KRIT1: variants seen among roughly 807,000 people sequenced by gnomAD.
KRIT1 encodes the protein krev interaction trapped protein 1.
Under a neutral mutation model 95.8 loss-of-function variants are expected in KRIT1, and 45 were observed. The ratio of observed to expected loss-of-function variants is 0.47; its 90% CI spans 0.37 to 0.60. KRIT1 has a LOEUF of 0.60. KRIT1 is among the 20% of genes least tolerant of loss of function. The pLI is 0.00. For synonymous variants in KRIT1, 282 were observed against 278.8 expected (o/e 1.01, Z -0.11); for missense variants, 788 against 877.5 (o/e 0.90, Z 1.29).
chr7:92,238,276 A>G (rs1020001056), intron 5 of KRIT1, among the ~76,000 whole-genome samples: 2 of 152,190 alleles, frequency 1.3e-5, no homozygotes, highest in African/African-American at 4.8e-5. Flanking sequence ...ATTGGCAGTA[A>G]GTTATTAATA....
At chr7:92,209,329 T>C (rs1178291249) in intron 17 of KRIT1, among the ~76,000 whole-genome samples, 3 of 152,162 alleles carry the variant, frequency 2.0e-5, no homozygotes, top group Admixed American at 6.5e-5. Flanking sequence ...TTAATCAACA[T>C]AGTACTGGAA....
At chr7:92,216,093 G>A (rs1425608800) in intron 14 of KRIT1, among the ~76,000 whole-genome samples, 1 of 151,754 alleles carries the variant, frequency 6.6e-6, no homozygotes, top group Admixed American at 6.6e-5. Flanking sequence ...GCTAGGCATG[G>A]TGGCAGGCGC....
At chr7:92,245,997 G>A (rs1800928507), upstream of KRIT1, 1 of 237,624 alleles carries the variant, frequency 4.2e-6, no homozygotes, top group Non-Finnish European at 8.3e-6. Context: ...GGCTGCTGCC[G>A]TTCCTGCTCC....
intron 14 of KRIT1, among the ~76,000 whole-genome samples, chr7:92,215,560 C>T (rs763952529): frequency 1.3e-5 from 2 of 152,084 alleles, no homozygotes; most frequent in East Asian, 3.9e-4. Context: ...GCCTCGACCT[C>T]GTGGGCTCAA....
At chr7:92,206,802 GAT>G (rs1400232521) in intron 17 of KRIT1, 3 of 151,688 alleles carry the variant, frequency 2.0e-5, no homozygotes, top group Non-Finnish European at 4.4e-5. Context: ...AGACATATAA[GAT>G]AACAAAAGTA....
intron 14 of KRIT1, among the ~76,000 whole-genome samples, chr7:92,219,229 T>C (rs1480513855): frequency 6.6e-6 from 1 of 152,202 alleles, no homozygotes; most frequent in African/African-American, 2.4e-5. Context: ...CTAGAACTCC[T>C]GTCCTCAAGT....
At chr7:92,212,788 T>C (rs1793149351) in intron 17 of KRIT1, among the ~76,000 whole-genome samples, 1 of 152,210 alleles carries the variant, frequency 6.6e-6, no homozygotes, top group South Asian at 2.1e-4. Context: ...TTATTCCTAG[T>C]TACCTGGTTC....
intron 14 of KRIT1, among the ~76,000 whole-genome samples, chr7:92,217,513 A>T (rs1285372543): frequency 6.6e-6 from 1 of 152,180 alleles, no homozygotes; most frequent in Non-Finnish European, 1.5e-5. Context: ...ACTTGATATA[A>T]GTAGAATTAA....
chr7:92,204,446 C>T (rs981971944), intron 17 of KRIT1, among the ~76,000 whole-genome samples: 2 of 151,798 alleles, frequency 1.3e-5, no homozygotes, highest in African/African-American at 2.4e-5. Context: ...ATTTATAGTG[C>T]ACTTTATTTC....
intron 7 of KRIT1, 22 bp from the exon 8 acceptor site, chr7:92,235,668 T>C (rs746899989): frequency 1.2e-6 from 2 of 1,612,428 alleles, no homozygotes; most frequent in Admixed American, 1.7e-5. Context: ...AAAAAACAGG[T>C]AGAAGTAGCC....
Position 92,200,706 on chromosome 7 carries a change from G to T in KRIT1, c.*30C>A. On this transcript the variant is annotated 3_prime_UTR_variant, in exon 19 of 19. Coordinates refer to ENST00000394505, the MANE Select transcript of KRIT1 (RefSeq NM_194454.3). ...GAAAAAAAACTCTGCATTACAAAAT[G>T]TGGTGGCTTGAGTAACAGTTACTTC... 7.1e-7 allele frequency: 1 copy of T among 1,409,606 alleles called. No homozygotes were observed. The highest frequency in any genetic ancestry group is 1.0e-6 in the Non-Finnish European group (1 of 993,256). 87.3% of individuals were successfully genotyped at this position (1,409,606 alleles called of 1,614,324 possible).
rs946205468 is a variant in KRIT1 at position 92,206,572 on chromosome 7, C to T, written c.2026-5149G>A. On this transcript the variant is annotated intron_variant, in intron 17 of 18. Coordinates refer to ENST00000394505, the MANE Select transcript of KRIT1 (RefSeq NM_194454.3). ...CCAACCAACACTATAGCTACATCTACAGGAAAAAGTCTTTCCCTACAAAAG... is the reference window on the plus strand; with the variant it reads ...CCAACCAACACTATAGCTACATCTATAGGAAAAAGTCTTTCCCTACAAAAG... 18 of 151,756 alleles carry T rather than the reference C, an allele frequency of 1.2e-4. 1 individual carries two copies. The highest frequency in any genetic ancestry group is 3.9e-4 in the African/African-American group (16 of 41,428). The allele number at this position is 151,756 out of a possible 1,614,324, so 9.4% of individuals were successfully genotyped here. A position where few individuals can be genotyped will look rare whatever the true frequency, so the allele number is the denominator to read the frequency against.
At chr7:92,224,293 TCAAA>T (rs1195756137) in intron 12 of KRIT1, among the ~76,000 whole-genome samples, 3 of 152,176 alleles carry the variant, frequency 2.0e-5, no homozygotes, top group Non-Finnish European at 4.4e-5. Context: ...TCTTTTTATT[TCAAA>T]CAGTTTTTAA....
chr7:92,235,266 C>G, intron 8 of KRIT1, 137 bp downstream of exon 8: 1 of 859,932 alleles, frequency 1.2e-6, no homozygotes. Context: ...TCCCAAAGTG[C>G]TGGGATTACA....
chr7:92,226,851 A>G (rs1449030983), intron 10 of KRIT1, among the ~76,000 whole-genome samples, 169 bp from the exon 11 acceptor site: 3 of 152,226 alleles, frequency 2.0e-5, no homozygotes, highest in African/African-American at 4.8e-5. Flanking sequence ...AATGTTTTCA[A>G]TGATTAGGGG....
intron 14 of KRIT1, among the ~76,000 whole-genome samples, chr7:92,221,067 G>A (rs1477226542): frequency 2.0e-5 from 3 of 152,036 alleles, no homozygotes; most frequent in Non-Finnish European, 4.4e-5. Context: ...TACTTGTCTA[G>A]ACAGACTTCT....
rs1413747398 is a variant in KRIT1, at chr7:92,221,979, T to C, written c.1486A>G (p.Asn496Asp). The C allele has an allele frequency of 1.2e-6, 2 of 1,613,438 alleles. No individual in the cohort carries two copies. The highest frequency in any genetic ancestry group is 2.2e-5 in the East Asian group (1 of 44,840). The part of the protein sequence containing the change: ...DWPEILAELT[N>D]LDPQRETPQL... ...GGTGTTTCCCTTTGAGGATCCAGATTAGTCAATTCAGCAAGTATTTCTGGC... is the reference window on the plus strand; with the variant it reads ...GGTGTTTCCCTTTGAGGATCCAGATCAGTCAATTCAGCAAGTATTTCTGGC... The change falls in exon 14 of 19, where the codon AAT (asparagine) becomes GAT (aspartate). Residue 496 changes from asparagine to aspartate, a missense_variant. Physicochemically the swap from Asn to Asp is conservative, Grantham distance 23. Transcript: ENST00000394505.
intron 5 of KRIT1, among the ~76,000 whole-genome samples, chr7:92,238,814 T>C (rs987439212): frequency 2.0e-5 from 3 of 152,182 alleles, no homozygotes; most frequent in Non-Finnish European, 4.4e-5. Flanking sequence ...CCAATGGAAA[T>C]GCTTATAGGA....
At chr7:92,232,293 G>A (rs892396441) in intron 10 of KRIT1, among the ~76,000 whole-genome samples, 5 of 151,944 alleles carry the variant, frequency 3.3e-5, no homozygotes, top group Non-Finnish European at 5.9e-5. Context: ...CACGTTACTT[G>A]TAATTTTTCT....
Sources: allele counts gnomAD v4.1 joint callset (sites outside exome capture counted in the v4.1 genomes callset), GRCh38; gene constraint gnomAD v4.1.1; transcripts MANE v1.5; gene names NCBI Gene and HGNC (gene_info 2026-07-23, HGNC 2026-07-21).